The following SPSB1 variants were observed in gnomAD, a reference collection of about 807,000 sequenced individuals.
SPSB1 encodes splA/ryanodine receptor domain and SOCS box containing 1.
SPSB1 carries 8 observed loss-of-function variants against 21.2 expected under a neutral mutation model. The observed-to-expected ratio is 0.38, with a 90% CI of 0.22 to 0.68. The LOEUF is 0.68. Ranked by LOEUF, SPSB1 falls within the 30% of genes least tolerant of loss-of-function variation. SPSB1 has a pLI of 0.53. For synonymous variants in SPSB1, 169 were observed against 161.7 expected, an observed-to-expected ratio of 1.05 and a Z score of -0.34; for missense variants, 242 against 377.8, an observed-to-expected ratio of 0.64 and a Z score of 2.98.
At chr1:9,325,483 G>A (rs959696666) in intron 1 of SPSB1, among the ~76,000 whole-genome samples, 1 of 152,204 alleles carries the variant, frequency 6.6e-6, no homozygotes, top group African/African-American at 2.4e-5. Context: ...CAGGAAGGTG[G>A]TGTGGGCGAC....
chr1:9,295,823 A>G (rs1196909816), intron 1 of SPSB1, among the ~76,000 whole-genome samples: 1 of 152,166 alleles, frequency 6.6e-6, no homozygotes, highest in Non-Finnish European at 1.5e-5. Flanking sequence ...ATTTTGTATC[A>G]ATTTTTCTCG....
intron 1 of SPSB1, among the ~76,000 whole-genome samples, chr1:9,323,130 C>T (rs1201933183): frequency 1.3e-5 from 2 of 152,240 alleles, no homozygotes; most frequent in Non-Finnish European, 2.9e-5. Context: ...CAGCCACCTG[C>T]CGGACATTCC....
intron 1 of SPSB1, among the ~76,000 whole-genome samples, chr1:9,328,721 A>G (rs781069104): frequency 5.9e-5 from 9 of 152,214 alleles, no homozygotes; most frequent in Non-Finnish European, 1.2e-4. Context: ...GGGCACGTGA[A>G]GATGGTTTTG....
Position 9,367,436 on chromosome 1 carries a change from C to A in SPSB1, c.695-12C>A, listed in dbSNP as rs779192243. The A allele has an allele frequency of 2.4e-5, 39 of 1,613,200 alleles. No individual in the cohort carries two copies. The South Asian group carries it at 4.3e-4, about 18-fold the overall frequency. Reference sequence around the variant, plus strand: ...CAAGCTGCGCTGACCTGCAGTTTCTCTGTCTCCCCAGCCGAGCCGCTGCCG... The same window carrying A: ...CAAGCTGCGCTGACCTGCAGTTTCTATGTCTCCCCAGCCGAGCCGCTGCCG... On this transcript the variant is annotated splice_polypyrimidine_tract_variant and intron_variant, in intron 2 of 2. Coordinates refer to ENST00000328089, the MANE Select transcript of SPSB1 (RefSeq NM_025106.4). The surrounding 1 kb of genome is among the most constrained non-coding windows in gnomAD (Gnocchi z 5.9).
intron 1 of SPSB1, among the ~76,000 whole-genome samples, chr1:9,307,423 G>A (rs2100466812): frequency 6.6e-6 from 1 of 152,296 alleles, no homozygotes; most frequent in Middle Eastern, 3.4e-3. Flanking sequence ...CAGCCCCTGG[G>A]AACCAATCTG....
rs774139927 is a variant in SPSB1 at position 9,356,197 on chromosome 1, C to T, written c.306C>T (p.Ile102=). Residue 102 remains isoleucine, a synonymous_variant, in exon 2 of 3, where the codon ATC becomes ATT. Transcript: ENST00000328089. This position sits in a 1 kb window ranked among gnomAD's most constrained non-coding sequence, Gnocchi z 7.4. ...GYTRGLHVWQ[I]TWAMRQRGTH... Reference sequence around the variant, plus strand: ...CCCGTGGGCTGCACGTGTGGCAGATCACGTGGGCCATGAGACAGCGGGGCA... The same window carrying T: ...CCCGTGGGCTGCACGTGTGGCAGATTACGTGGGCCATGAGACAGCGGGGCA... 6 of 1,589,336 alleles carry T rather than the reference C, an allele frequency of 3.8e-6. No homozygotes were observed. In the African/African-American group the frequency reaches 8.0e-5, roughly 21 times the overall value.
At chr1:9,349,648 CCA>C (rs1640219111) in intron 1 of SPSB1, among the ~76,000 whole-genome samples, 2 of 152,234 alleles carry the variant, frequency 1.3e-5, no homozygotes. Flanking sequence ...GGAACTCGTG[CCA>C]CACACAATCC....
intron 1 of SPSB1, among the ~76,000 whole-genome samples, chr1:9,313,551 T>G (rs1639560599): frequency 2.0e-5 from 3 of 150,534 alleles, no homozygotes; most frequent in African/African-American, 2.5e-5. Context: ...TGATCTGGGG[T>G]GGGAGGATTC....
Position 9,355,761 on chromosome 1 carries a change from C to T in SPSB1, c.-131C>T. On this transcript the variant is annotated 5_prime_UTR_variant, in exon 2 of 3. Transcript: ENST00000328089. ...CCATTAGGCAATACTGAACACTGCG[C>T]AGCTTGCAGAGGTCTCCTGGCAGCC... 2 of 1,478,700 alleles carry T rather than the reference C, an allele frequency of 1.4e-6. No individual in the cohort carries two copies. The highest frequency in any genetic ancestry group is 1.8e-6 in the Non-Finnish European group (2 of 1,115,942). The allele number at this position is 1,478,700 out of a possible 1,614,324, so 91.6% of individuals were successfully genotyped here.
chr1:9,312,886 G>A (rs765497452), intron 1 of SPSB1, among the ~76,000 whole-genome samples: 2 of 152,212 alleles, frequency 1.3e-5, no homozygotes, highest in South Asian at 4.1e-4. Flanking sequence ...GGCAGTGCGT[G>A]CCGATTGTCC....
At chr1:9,343,638 T>C (rs1429050125) in intron 1 of SPSB1, among the ~76,000 whole-genome samples, 1 of 152,224 alleles carries the variant, frequency 6.6e-6, no homozygotes, top group African/African-American at 2.4e-5. Flanking sequence ...TTCTCCGGGC[T>C]CCTTTCTACC....
intron 1 of SPSB1, among the ~76,000 whole-genome samples, chr1:9,301,357 G>A (rs894688406): frequency 6.6e-6 from 1 of 152,088 alleles, no homozygotes; most frequent in Non-Finnish European, 1.5e-5. Flanking sequence ...AAAATTAGCT[G>A]GGCGTGGTAG....
rs1312203631 is a variant in SPSB1, at chr1:9,293,921, T to G, written c.-150+850T>G. Among the ~76,000 whole-genome samples the G allele has an allele frequency of 2.0e-5, 3 of 152,128 alleles. No homozygotes were observed. Among genetic ancestry groups the G allele is most frequent in the African/African-American group, 7.2e-5 (3 of 41,428 alleles). ...GTATGAGTGTGTCTGTGTGTTCATG[T>G]GGGTGTGTGTGTGAGTGTGTCTCTA... On this transcript the variant is annotated intron_variant, in intron 1 of 2. Transcript: ENST00000328089. This position sits in a 1 kb window ranked among gnomAD's most constrained non-coding sequence, Gnocchi z 5.1.
At chr1:9,311,243 A>G (rs1048222447) in intron 1 of SPSB1, among the ~76,000 whole-genome samples, 3 of 149,836 alleles carry the variant, frequency 2.0e-5, no homozygotes, top group South Asian at 2.1e-4. Context: ...CACAGTGCCT[A>G]TGCTGAGAGA....
chr1:9,297,323 A>G (rs1434311180), intron 1 of SPSB1, among the ~76,000 whole-genome samples: 4 of 152,182 alleles, frequency 2.6e-5, no homozygotes, highest in Non-Finnish European at 5.9e-5. Flanking sequence ...CACACTTGAG[A>G]AATGACTGCT....
chr1:9,362,650 ACACTCTT>A (rs1640500316), intron 2 of SPSB1, among the ~76,000 whole-genome samples: 1 of 152,142 alleles, frequency 6.6e-6, no homozygotes, highest in Non-Finnish European at 1.5e-5. Context: ...GCACAGCACC[ACACTCTT>A]GAGGCTTGAG....
At chr1:9,364,873 C>G (rs1640541411) in intron 2 of SPSB1, among the ~76,000 whole-genome samples, 1 of 151,954 alleles carries the variant, frequency 6.6e-6, no homozygotes, top group Non-Finnish European at 1.5e-5. Flanking sequence ...TTTTCTGAGA[C>G]AGAGTCTTGC....
chr1:9,346,196 C>T lies in SPSB1; in HGVS notation c.-149-9547C>T, dbSNP rs781331910. 2.4e-4 allele frequency among the ~76,000 whole-genome samples: 37 copies of T among 152,310 alleles called. No individual in the cohort carries two copies. Among genetic ancestry groups the T allele is most frequent in the African/African-American group, 8.2e-4 (34 of 41,580 alleles). On this transcript the variant is annotated intron_variant, in intron 1 of 2. Coordinates refer to ENST00000328089, the MANE Select transcript of SPSB1 (RefSeq NM_025106.4). The surrounding 1 kb of genome is among the most constrained non-coding windows in gnomAD (Gnocchi z 4.4). ...GCCACCACTGATGTGTGAGACGGGG[C>T]GGCAGAGGGAGGGAACTTACGTGAT...
At chr1:9,340,284 G>A (rs932763656) in intron 1 of SPSB1, among the ~76,000 whole-genome samples, 1 of 152,176 alleles carries the variant, frequency 6.6e-6, no homozygotes, top group African/African-American at 2.4e-5. Flanking sequence ...GAGGGGCCTG[G>A]GGGGGAAGGC....
Sources: gnomAD v4.1 joint callset for allele counts (sites outside exome capture counted in the v4.1 genomes callset) on GRCh38, gnomAD v4.1.1 for gene constraint, Gnocchi (gnomAD v3.1) non-coding constraint, MANE v1.5 for transcripts, NCBI Gene and HGNC (gene_info 2026-07-23, HGNC 2026-07-21) for gene names.